Variants in PCSK6 observed in about 807,000 individuals in gnomAD.
PCSK6 encodes proprotein convertase subtilisin/kexin type 6.
PCSK6 carries 85 observed loss-of-function variants against 123.3 expected under a neutral mutation model. That is an observed-to-expected ratio of 0.69 (90% CI 0.58 to 0.83). The LOEUF is 0.83. Ranked by LOEUF, PCSK6 falls within the 40% of genes least tolerant of loss-of-function variation. PCSK6 has a pLI of 0.00. For synonymous variants in PCSK6, 508 were observed against 516.0 expected, an observed-to-expected ratio of 0.98 and a Z score of 0.21; for missense variants, 1,191 against 1,282.3, an observed-to-expected ratio of 0.93 and a Z score of 1.09.
intron 6 of PCSK6, among the ~76,000 whole-genome samples, chr15:101,409,093 C>T (rs1374944346): frequency 6.6e-6 from 1 of 152,256 alleles, no homozygotes; most frequent in East Asian, 1.9e-4. Flanking sequence ...GCTGCCCTTG[C>T]TGCAGGCCCC....
At chr15:101,350,358 T>A (rs34422292) in intron 13 of PCSK6, among the ~76,000 whole-genome samples, 33,179 of 152,136 alleles carry the variant, frequency 0.22, 3,830 homozygotes, top group South Asian at 0.3. Flanking sequence ...CACTCTACAT[T>A]TTAAGGCTAT....
chr15:101,362,440 G>A (rs1281760312), intron 13 of PCSK6, among the ~76,000 whole-genome samples: 3 of 152,166 alleles, frequency 2.0e-5, no homozygotes, highest in African/African-American at 7.2e-5. Flanking sequence ...GGTGCTCAGT[G>A]TCACGGGGCT....
chr15:101,412,449 A>G (rs1026400862), intron 6 of PCSK6, among the ~76,000 whole-genome samples: 4 of 152,028 alleles, frequency 2.6e-5, no homozygotes, highest in Non-Finnish European at 5.9e-5. Context: ...TACTAGTTGT[A>G]TATTAATAAA....
At chr15:101,415,048 G>C (rs1481831121) in intron 6 of PCSK6, among the ~76,000 whole-genome samples, 1 of 152,206 alleles carries the variant, frequency 6.6e-6, no homozygotes, top group African/African-American at 2.4e-5. Context: ...ATGAGATAGA[G>C]AGGATTTTAT....
chr15:101,404,016 A>G (rs1204893384), intron 6 of PCSK6, among the ~76,000 whole-genome samples: 4 of 152,208 alleles, frequency 2.6e-5, no homozygotes. Context: ...ATACAATTGT[A>G]TATATGCTTA....
intron 6 of PCSK6, 46 bp downstream of exon 6, chr15:101,427,846 C>T: frequency 1.4e-6 from 2 of 1,463,042 alleles, no homozygotes; most frequent in Non-Finnish European, 1.9e-6. Context: ...CCCAGCTGCC[C>T]CTGCCCCAGG....
intron 13 of PCSK6, among the ~76,000 whole-genome samples, chr15:101,357,905 G>T (rs1031891231): frequency 6.6e-6 from 1 of 152,176 alleles, no homozygotes; most frequent in Non-Finnish European, 1.5e-5. Context: ...CCTTCTGTGG[G>T]CACCAGAGCA....
chr15:101,485,703 G>A (rs1391879978), intron 1 of PCSK6, among the ~76,000 whole-genome samples: 1 of 152,096 alleles, frequency 6.6e-6, no homozygotes, highest in Non-Finnish European at 1.5e-5. Context: ...ACATGCTTGG[G>A]TTTGAGTTGA....
intron 2 of PCSK6, among the ~76,000 whole-genome samples, chr15:101,437,890 G>T (rs377116505): frequency 6.6e-6 from 1 of 152,092 alleles, no homozygotes; most frequent in Admixed American, 6.5e-5. Flanking sequence ...TTAACCCGGG[G>T]TAGCTCAGAA....
intron 9 of PCSK6, among the ~76,000 whole-genome samples, chr15:101,385,946 T>A (rs1166998306): frequency 6.6e-6 from 1 of 152,168 alleles, no homozygotes; most frequent in Non-Finnish European, 1.5e-5. Flanking sequence ...TTCTATTCAA[T>A]CAGAAAATTA....
At chr15:101,451,557 CA>C (rs145380583) in intron 1 of PCSK6, among the ~76,000 whole-genome samples, 5 of 150,470 alleles carry the variant, frequency 3.3e-5, no homozygotes, top group Admixed American at 1.3e-4. Context: ...TCTGACTTTG[CA>C]AAAAAAAACT....
intron 1 of PCSK6, among the ~76,000 whole-genome samples, chr15:101,478,665 C>A (rs1015822344): frequency 6.6e-6 from 1 of 152,166 alleles, no homozygotes; most frequent in African/African-American, 2.4e-5. Flanking sequence ...GGTTCTGCCT[C>A]GGAGTAGCCA....
intron 13 of PCSK6, among the ~76,000 whole-genome samples, chr15:101,350,257 C>T (rs2040855544): frequency 6.6e-6 from 1 of 152,094 alleles, no homozygotes; most frequent in Non-Finnish European, 1.5e-5. Context: ...CTTGTGTTTA[C>T]TGGTTATTTG....
At chr15:101,341,790 GA>G (rs1222105530) in intron 13 of PCSK6, among the ~76,000 whole-genome samples, 1 of 152,158 alleles carries the variant, frequency 6.6e-6, no homozygotes, top group Non-Finnish European at 1.5e-5. Flanking sequence ...AAAGAATAAA[GA>G]GCACTAGAAA....
At chr15:101,477,247 G>A (rs915400037) in intron 1 of PCSK6, among the ~76,000 whole-genome samples, 1 of 150,348 alleles carries the variant, frequency 6.7e-6, no homozygotes, top group African/African-American at 2.4e-5. Flanking sequence ...GTGTGTGCGT[G>A]TGTGTGTGTG....
At chr15:101,438,277 A>G (rs1317358574) in intron 2 of PCSK6, among the ~76,000 whole-genome samples, 2 of 152,240 alleles carry the variant, frequency 1.3e-5, no homozygotes, top group East Asian at 3.8e-4. Flanking sequence ...GCAATACAGG[A>G]TACAGCTTTG....
At chr15:101,381,555 A>AGCT in intron 11 of PCSK6, among the ~76,000 whole-genome samples, 1 of 152,308 alleles carries the variant, frequency 6.6e-6, no homozygotes, top group South Asian at 2.1e-4. Flanking sequence ...AGCCACACAA[A>AGCT]GCTGCTATGC....
At chr15:101,483,080 C>T (rs571269237) in intron 1 of PCSK6, among the ~76,000 whole-genome samples, 5 of 152,308 alleles carry the variant, frequency 3.3e-5, no homozygotes, top group South Asian at 4.1e-4. Flanking sequence ...CAGAACCTCT[C>T]GCAGGCCAGC....
intron 11 of PCSK6, among the ~76,000 whole-genome samples, chr15:101,375,141 T>C (rs2041697587): frequency 6.6e-6 from 1 of 152,022 alleles, no homozygotes; most frequent in African/African-American, 2.4e-5. Context: ...TTAGTAGAGA[T>C]GGGGTTTCCC....
Sources: gnomAD v4.1 joint callset for allele counts (sites outside exome capture counted in the v4.1 genomes callset) on GRCh38, gnomAD v4.1.1 for gene constraint, MANE v1.5 for transcripts, NCBI Gene and HGNC (gene_info 2026-07-23, HGNC 2026-07-21) for gene names.